The following TEC variants were observed in gnomAD, a reference collection of about 807,000 sequenced individuals.
TEC encodes the protein tec protein tyrosine kinase.
In TEC, 72 loss-of-function variants were observed where a neutral mutation model predicts 93.0. That is an observed-to-expected ratio of 0.77 (90% CI 0.64 to 0.94). The LOEUF (loss-of-function observed/expected upper bound fraction) is 0.94. Ranked by LOEUF, TEC falls within the 40% of genes least tolerant of loss-of-function variation. TEC has a pLI of 0.00. For synonymous variants in TEC, 249 were observed against 247.7 expected (o/e 1.01, Z -0.05); for missense variants, 630 against 757.9 (o/e 0.83, Z 1.98).
At chr4:48,220,211 C>T (rs1723216493) in intron 2 of TEC, among the ~76,000 whole-genome samples, 2 of 151,244 alleles carry the variant, frequency 1.3e-5, no homozygotes, top group South Asian at 4.2e-4. Flanking sequence ...CCAGTGCATC[C>T]AGCCATGCAA....
chr4:48,225,090 A>C (rs545328501), intron 2 of TEC, among the ~76,000 whole-genome samples: 79 of 152,324 alleles, frequency 5.2e-4, no homozygotes, highest in African/African-American at 1.8e-3. Context: ...TTACTTCTAG[A>C]GTCACATTTT....
chr4:48,182,672 A>C (rs1442913206), intron 2 of TEC, among the ~76,000 whole-genome samples: 2 of 152,102 alleles, frequency 1.3e-5, no homozygotes, highest in Non-Finnish European at 2.9e-5. Flanking sequence ...TTAAGATGAA[A>C]TATAACTTGC....
intron 2 of TEC, among the ~76,000 whole-genome samples, chr4:48,222,086 A>C (rs960876165): frequency 5.9e-5 from 9 of 152,208 alleles, no homozygotes; most frequent in African/African-American, 2.2e-4. Flanking sequence ...GAACTATGTC[A>C]GAAAAGATGA....
chr4:48,152,036 CTCT>C (rs1259658887), intron 9 of TEC, among the ~76,000 whole-genome samples: 1 of 152,116 alleles, frequency 6.6e-6, no homozygotes, highest in African/African-American at 2.4e-5. Flanking sequence ...ATAAATTGTA[CTCT>C]TCTTGATAGG....
rs201099088 is a variant in TEC at position 48,237,332 on chromosome 4, AG to A, written c.-45-8674del. Among the ~76,000 whole-genome samples, 56 of 149,664 alleles carry A rather than the reference AG, an allele frequency of 3.7e-4. 1 individual carries two copies. The highest frequency in any genetic ancestry group is 6.6e-4 in the Admixed American group (10 of 15,120). On this transcript the variant is annotated intron_variant, in intron 1 of 17. Coordinates refer to ENST00000381501, the MANE Select transcript of TEC (RefSeq NM_003215.3). ...AAGACTCTGTCTCAAAAAAAAAAAAAGAGAGAGAGAGAAAATAATAATTTTT... is the reference window on the plus strand; with the variant it reads ...AAGACTCTGTCTCAAAAAAAAAAAAAAGAGAGAGAGAAAATAATAATTTTT...
intron 1 of TEC, among the ~76,000 whole-genome samples, chr4:48,239,832 C>T (rs1723879503): frequency 6.6e-6 from 1 of 151,956 alleles, no homozygotes; most frequent in Non-Finnish European, 1.5e-5. Context: ...TCTTAAGAGA[C>T]CTCTCAACTG....
chr4:48,149,780 T>C lies in TEC; in HGVS notation c.873-90A>G. 5 of 1,310,692 alleles carry C rather than the reference T, an allele frequency of 3.8e-6. No individual in the cohort carries two copies. The South Asian group carries it at 6.4e-5, about 17-fold the overall frequency. 81.2% of individuals were successfully genotyped at this position (1,310,692 alleles called of 1,614,324 possible). ...TTTCTACAAGGGCAACCACAGTGTC[T>C]CTCCATATGATCCCATCTATTCCTG... On this transcript the variant is annotated intron_variant, in intron 10 of 17. Transcript: ENST00000381501.
rs1218994356 is a variant in TEC at position 48,177,704 on chromosome 4, C to T, written c.139-1518G>A. 2.0e-5 allele frequency among the ~76,000 whole-genome samples: 3 copies of T among 152,232 alleles called. No homozygotes were observed. In the East Asian group the frequency reaches 5.8e-4, roughly 29 times the overall value. The stretch of plus-strand genomic sequence containing the variant: ...CTCTGTGTCCCCACCCAAATCTCAT[C>T]TCAGCATTGTAATCCCTACAATCCC... On this transcript the variant is annotated intron_variant, in intron 2 of 17. Transcript: ENST00000381501.
chr4:48,222,968 C>T (rs1477616101), intron 2 of TEC, among the ~76,000 whole-genome samples: 1 of 152,016 alleles, frequency 6.6e-6, no homozygotes, highest in Non-Finnish European at 1.5e-5. Context: ...CATATATATC[C>T]TTTTGGTTCA....
chr4:48,244,959 C>T (rs1724014609), intron 1 of TEC, among the ~76,000 whole-genome samples: 1 of 152,176 alleles, frequency 6.6e-6, no homozygotes, highest in Non-Finnish European at 1.5e-5. Context: ...GAGATATCAC[C>T]TCCCTCCCTT....
At chr4:48,162,852 C>T (rs1402369271) in intron 8 of TEC, among the ~76,000 whole-genome samples, 3 of 152,164 alleles carry the variant, frequency 2.0e-5, no homozygotes, top group Non-Finnish European at 4.4e-5. Flanking sequence ...ATGAGCCTCA[C>T]GTTACAACTT....
chr4:48,232,320 A>ACC (rs1560419748), intron 1 of TEC, among the ~76,000 whole-genome samples: 1 of 149,152 alleles, frequency 6.7e-6, no homozygotes, highest in Non-Finnish European at 1.5e-5. Context: ...CAAAAAAAAA[A>ACC]CACCTTATCT....
intron 8 of TEC, among the ~76,000 whole-genome samples, chr4:48,161,482 A>T (rs1001814431): frequency 6.6e-6 from 1 of 151,980 alleles, no homozygotes; most frequent in Admixed American, 6.6e-5. Context: ...TAGGTTACTG[A>T]TAACACTAGG....
At chr4:48,164,475 T>A (rs574665905) in intron 7 of TEC, among the ~76,000 whole-genome samples, 1 of 152,284 alleles carries the variant, frequency 6.6e-6, no homozygotes, top group African/African-American at 2.4e-5. Flanking sequence ...AAAACAGATA[T>A]ACATATAAAA....
intron 2 of TEC, among the ~76,000 whole-genome samples, chr4:48,179,440 G>A (rs1486128562): frequency 7.3e-6 from 1 of 137,808 alleles, no homozygotes; most frequent in Non-Finnish European, 1.5e-5. Flanking sequence ...CTGGAGTGGA[G>A]TGCAGTGGTG....
At chr4:48,228,936 A>G (rs868416605) in intron 1 of TEC, among the ~76,000 whole-genome samples, 3 of 152,194 alleles carry the variant, frequency 2.0e-5, no homozygotes, top group Non-Finnish European at 2.9e-5. Flanking sequence ...TAGTACCCTT[A>G]GCTTTCTGGT....
chr4:48,154,988 A>C (rs183061218), intron 9 of TEC, among the ~76,000 whole-genome samples: 7 of 152,354 alleles, frequency 4.6e-5, no homozygotes, highest in African/African-American at 1.7e-4. Context: ...AGGTTAATCA[A>C]GATAAAGACT....
At chr4:48,169,022 C>T (rs577966957) in intron 5 of TEC, among the ~76,000 whole-genome samples, 2 of 152,288 alleles carry the variant, frequency 1.3e-5, no homozygotes, top group East Asian at 3.9e-4. Context: ...TGACACATGG[C>T]TACCCAAGAT....
At chr4:48,210,302 G>A (rs1722857025) in intron 2 of TEC, among the ~76,000 whole-genome samples, 1 of 151,980 alleles carries the variant, frequency 6.6e-6, no homozygotes, top group Non-Finnish European at 1.5e-5. Context: ...AGGCAACATA[G>A]CAAGACTCCA....
Sources: gnomAD v4.1 joint callset for allele counts (sites outside exome capture counted in the v4.1 genomes callset) on GRCh38, gnomAD v4.1.1 for gene constraint, MANE v1.5 for transcripts, NCBI Gene and HGNC (gene_info 2026-07-23, HGNC 2026-07-21) for gene names.